Variants in CYTH1 observed in about 807,000 individuals in gnomAD.
CYTH1 encodes cytohesin 1.
In CYTH1, 18 loss-of-function variants were observed where a neutral mutation model predicts 61.8. The observed-to-expected ratio is 0.29, with a 90% CI of 0.20 to 0.43. The LOEUF is 0.43. Ranked by LOEUF, CYTH1 falls within the 20% of genes least tolerant of loss-of-function variation. The probability of loss-of-function intolerance (pLI) is 1.00; values close to 1 mark genes in which losing one functional copy is unlikely to be tolerated. For missense variants in CYTH1, 336 were observed against 510.5 expected (o/e 0.66, Z 3.29); for synonymous variants, 174 against 184.3 (o/e 0.94, Z 0.45).
intron 5 of CYTH1, 57 bp from the exon 6 acceptor site, chr17:78,701,808 G>A (rs1246173422): frequency 6.4e-7 from 1 of 1,562,224 alleles, no homozygotes; most frequent in East Asian, 2.2e-5. Context: ...CCAACACTGA[G>A]AATCTCCAGC....
intron 1 of CYTH1, chr17:78,723,569 T>A (rs2093248177): frequency 6.6e-6 from 1 of 152,428 alleles, no homozygotes; most frequent in African/African-American, 2.4e-5. Context: ...GAGTGTGTGC[T>A]GCTCCGCTCC....
chr17:78,758,635 C>T lies in CYTH1; in HGVS notation c.22+23567G>A, dbSNP rs139430769. On this transcript the variant is annotated intron_variant, in intron 1 of 13. Coordinates refer to ENST00000446868, the MANE Select transcript of CYTH1 (RefSeq NM_004762.6). ...AAGAGAATTGCTTGAACCCAGGAGG[C>T]GGAGGAGGTTGCAGTGGGCCGAGAT... Among the ~76,000 whole-genome samples the T allele has an allele frequency of 4.6e-3, 698 of 152,044 alleles. 5 individuals are homozygous for T. Among genetic ancestry groups the T allele is most frequent in the South Asian group, 0.031 (150 of 4,812 alleles).
chr17:78,702,777 G>C (rs899797226), intron 3 of CYTH1, among the ~76,000 whole-genome samples, 173 bp from the exon 4 acceptor site: 1 of 152,152 alleles, frequency 6.6e-6, no homozygotes, highest in Non-Finnish European at 1.5e-5. Flanking sequence ...CCTGAACCTG[G>C]CTCCAAGCTC....
chr17:78,741,706 C>G (rs1383919782), intron 1 of CYTH1, among the ~76,000 whole-genome samples: 1 of 152,194 alleles, frequency 6.6e-6, no homozygotes, highest in Non-Finnish European at 1.5e-5. Flanking sequence ...GTAGAGGATT[C>G]AGCAAGCCTC....
At chr17:78,776,025 C>CA (rs2093489528) in intron 1 of CYTH1, among the ~76,000 whole-genome samples, 1 of 151,996 alleles carries the variant, frequency 6.6e-6, no homozygotes, top group African/African-American at 2.4e-5. Flanking sequence ...TGTGGTGGCA[C>CA]ATGCCTGTAA....
At chr17:78,686,868 G>A (rs1308137404) in intron 11 of CYTH1, among the ~76,000 whole-genome samples, 1 of 152,022 alleles carries the variant, frequency 6.6e-6, no homozygotes, top group Non-Finnish European at 1.5e-5. Flanking sequence ...CGCAACCTCC[G>A]CCTCCTGGGT....
chr17:78,692,613 G>A, intron 10 of CYTH1, 120 bp from the exon 11 acceptor site: 1 of 829,578 alleles, frequency 1.2e-6, no homozygotes, highest in Admixed American at 2.2e-5. Flanking sequence ...AGGAGAACGT[G>A]GAGCCCACAA....
At chr17:78,733,375 A>C (rs976917160) in intron 1 of CYTH1, among the ~76,000 whole-genome samples, 21 of 152,236 alleles carry the variant, frequency 1.4e-4, no homozygotes, top group African/African-American at 5.1e-4. Flanking sequence ...ATAAAGACTC[A>C]ATGAGTACAA....
In CYTH1 at chr17:78,759,987, T is replaced by G. The variant is rs113275434; in HGVS notation, c.22+22215A>C. On this transcript the variant is annotated intron_variant, in intron 1 of 13. Transcript: ENST00000446868. ...CAAGCATGTGCATGTATGTACGTAT[T>G]TATTCATTCACTCATTCCTGGATCT... Among the ~76,000 whole-genome samples the G allele has an allele frequency of 3.6e-3, 548 of 152,304 alleles. 5 individuals carry two copies. Among genetic ancestry groups the G allele is most frequent in the Non-Finnish European group, 3.9e-3 (262 of 68,024 alleles).
chr17:78,694,493 G>A (rs1481515674), intron 10 of CYTH1, among the ~76,000 whole-genome samples: 1 of 152,138 alleles, frequency 6.6e-6, no homozygotes, highest in East Asian at 1.9e-4. Flanking sequence ...AAATAAGGAG[G>A]ATAAAGAAGG....
chr17:78,722,956 A>C (rs933721529), intron 1 of CYTH1, among the ~76,000 whole-genome samples: 1 of 152,136 alleles, frequency 6.6e-6, no homozygotes, highest in Non-Finnish European at 1.5e-5. Flanking sequence ...GGACCAAGGA[A>C]ATTGACTACT....
intron 1 of CYTH1, among the ~76,000 whole-genome samples, chr17:78,752,817 T>C (rs950452770): frequency 1.3e-5 from 2 of 152,172 alleles, no homozygotes; most frequent in South Asian, 2.1e-4. Context: ...CACAATGTGA[T>C]TATACAGATT....
intron 1 of CYTH1, among the ~76,000 whole-genome samples, chr17:78,736,424 T>C (rs1389221281): frequency 2.6e-5 from 4 of 151,636 alleles, no homozygotes; most frequent in African/African-American, 7.3e-5. Flanking sequence ...CTCTCTCTCC[T>C]CTCTCTCACT....
intron 3 of CYTH1, 59 bp downstream of exon 3, chr17:78,708,138 G>A: frequency 6.4e-7 from 1 of 1,556,158 alleles, no homozygotes; most frequent in Non-Finnish European, 8.9e-7. Flanking sequence ...CATAATTAAG[G>A]CCTGGGTGCT....
intron 1 of CYTH1, among the ~76,000 whole-genome samples, chr17:78,756,067 TTA>T (rs1293822278): frequency 7.1e-6 from 1 of 139,928 alleles, no homozygotes; most frequent in East Asian, 2.3e-4. Context: ...ATTTATTTAT[TTA>T]TTTATTTTTA....
intron 1 of CYTH1, among the ~76,000 whole-genome samples, chr17:78,758,983 G>A (rs2144701671): frequency 6.6e-6 from 1 of 152,054 alleles, no homozygotes; most frequent in Admixed American, 6.5e-5. Flanking sequence ...TGTGCTTGTG[G>A]CCCTAGCTAC....
chr17:78,739,934 A>ATCT (rs4012980), intron 1 of CYTH1, among the ~76,000 whole-genome samples: 147,295 of 152,064 alleles, frequency 0.97, 71,358 homozygotes, highest in East Asian at 1. Context: ...TGGAGCTGCT[A>ATCT]TCTTTTCTTT....
intron 11 of CYTH1, among the ~76,000 whole-genome samples, chr17:78,688,110 G>A (rs2092835518): frequency 6.6e-6 from 1 of 152,174 alleles, no homozygotes; most frequent in Non-Finnish European, 1.5e-5. Context: ...ACTTCTCTAT[G>A]GATGACATAC....
At chr17:78,752,177 T>C (rs552156693) in intron 1 of CYTH1, among the ~76,000 whole-genome samples, 1 of 152,344 alleles carries the variant, frequency 6.6e-6, no homozygotes, top group Admixed American at 6.5e-5. Flanking sequence ...TCTTCGCCAG[T>C]TACAAGGCTG....
Sources: gnomAD v4.1 joint callset for allele counts (sites outside exome capture counted in the v4.1 genomes callset) on GRCh38, gnomAD v4.1.1 for gene constraint, MANE v1.5 for transcripts, NCBI Gene and HGNC (gene_info 2026-07-23, HGNC 2026-07-21) for gene names.